UBE2E2: variants seen among roughly 807,000 people sequenced by gnomAD.
The protein encoded by UBE2E2 is ubiquitin-conjugating enzyme E2 E2.
UBE2E2 carries 6 observed loss-of-function variants against 24.7 expected under a neutral mutation model. The ratio of observed to expected loss-of-function variants is 0.24; its 90% CI spans 0.13 to 0.48. The LOEUF is 0.48. UBE2E2 is among the 20% of genes least tolerant of loss of function. The pLI, the probability that UBE2E2 is intolerant of heterozygous loss-of-function variation, is 0.99. For missense variants in UBE2E2, 169 were observed against 245.0 expected (o/e 0.69, Z 2.07); for synonymous variants, 104 against 83.6 (o/e 1.24, Z -1.33).
chr3:23,243,744 AT>A (rs1426096779), intron 3 of UBE2E2, among the ~76,000 whole-genome samples: 1 of 107,548 alleles, frequency 9.3e-6, no homozygotes, highest in African/African-American at 3.2e-5. Context: ...TACAAATAGT[AT>A]TTCTTTTTTT....
intron 3 of UBE2E2, among the ~76,000 whole-genome samples, chr3:23,495,096 T>A (rs1699574891): frequency 6.6e-6 from 1 of 152,198 alleles, no homozygotes; most frequent in Non-Finnish European, 1.5e-5. Context: ...GTTTTCAAGA[T>A]AATTTGTTGC....
chr3:23,473,194 T>G (rs956181201), intron 3 of UBE2E2, among the ~76,000 whole-genome samples: 1 of 152,036 alleles, frequency 6.6e-6, no homozygotes, highest in Admixed American at 6.5e-5. Context: ...GAAAATGACT[T>G]GAGCCAGAAA....
intron 3 of UBE2E2, among the ~76,000 whole-genome samples, chr3:23,485,108 T>G (rs1405179311): frequency 6.7e-6 from 1 of 149,312 alleles, no homozygotes; most frequent in Non-Finnish European, 1.5e-5. Flanking sequence ...TTTTTTTTTT[T>G]TTTTGAGATG....
At chr3:23,324,003 T>A (rs889309061) in intron 3 of UBE2E2, among the ~76,000 whole-genome samples, 2 of 152,180 alleles carry the variant, frequency 1.3e-5, no homozygotes, top group Non-Finnish European at 2.9e-5. Flanking sequence ...AATGAACAAA[T>A]GGTACATGCT....
intron 3 of UBE2E2, among the ~76,000 whole-genome samples, chr3:23,368,088 T>C (rs1696308184): frequency 6.6e-6 from 1 of 152,200 alleles, no homozygotes; most frequent in South Asian, 2.1e-4. Context: ...GTGATGGCAT[T>C]TGATTTCCTA....
chr3:23,356,010 C>G (rs1040495751), intron 3 of UBE2E2, among the ~76,000 whole-genome samples: 1 of 152,158 alleles, frequency 6.6e-6, no homozygotes, highest in Non-Finnish European at 1.5e-5. Context: ...TTCATTAAAG[C>G]TAGAAATACA....
chr3:23,520,887 T>G (rs755455559), intron 4 of UBE2E2, among the ~76,000 whole-genome samples: 4 of 152,112 alleles, frequency 2.6e-5, no homozygotes, highest in Non-Finnish European at 5.9e-5. Context: ...AAGTGATCCC[T>G]GCTCCTCAGC....
At chr3:23,439,458 T>G (rs1450209802) in intron 3 of UBE2E2, among the ~76,000 whole-genome samples, 1 of 152,156 alleles carries the variant, frequency 6.6e-6, no homozygotes, top group African/African-American at 2.4e-5. Flanking sequence ...TATGGATAAG[T>G]GTTTGGATTA....
chr3:23,563,264 G>A (rs1257761683), intron 5 of UBE2E2, among the ~76,000 whole-genome samples: 1 of 152,166 alleles, frequency 6.6e-6, no homozygotes, highest in Non-Finnish European at 1.5e-5. Context: ...ATTCTAGTAT[G>A]TTGTGACTTT....
chr3:23,462,201 G>A (rs543100977), intron 3 of UBE2E2, among the ~76,000 whole-genome samples: 1 of 150,784 alleles, frequency 6.6e-6, no homozygotes, highest in African/African-American at 2.5e-5. Flanking sequence ...TTTATCTGCT[G>A]TTCTTAATAT....
chr3:23,516,976 T>G (rs1694757063), intron 4 of UBE2E2, among the ~76,000 whole-genome samples: 1 of 152,140 alleles, frequency 6.6e-6, no homozygotes, highest in African/African-American at 2.4e-5. Flanking sequence ...TTTCTGTCCT[T>G]TAATACCACT....
At chr3:23,377,819 G>T (rs1407866703) in intron 3 of UBE2E2, among the ~76,000 whole-genome samples, 2 of 152,164 alleles carry the variant, frequency 1.3e-5, no homozygotes, top group African/African-American at 4.8e-5. Flanking sequence ...TAAGAGCTTA[G>T]TAAATATTAT....
intron 3 of UBE2E2, among the ~76,000 whole-genome samples, chr3:23,371,296 G>C (rs1319435730): frequency 6.6e-6 from 1 of 152,124 alleles, no homozygotes; most frequent in East Asian, 1.9e-4. Flanking sequence ...CTCCCAAAAT[G>C]CTGAGATTAC....
At chr3:23,523,135 G>T (rs980620686) in intron 4 of UBE2E2, among the ~76,000 whole-genome samples, 1 of 152,114 alleles carries the variant, frequency 6.6e-6, no homozygotes, top group Non-Finnish European at 1.5e-5. Flanking sequence ...ATTCATTATA[G>T]GTATGTTCCA....
intron 3 of UBE2E2, among the ~76,000 whole-genome samples, chr3:23,325,121 G>A (rs1485097187): frequency 6.6e-6 from 1 of 152,092 alleles, no homozygotes; most frequent in Non-Finnish European, 1.5e-5. Flanking sequence ...TAGCAGTTTT[G>A]AATCTTCTAG....
intron 3 of UBE2E2, among the ~76,000 whole-genome samples, chr3:23,287,940 T>G (rs937206607): frequency 1.3e-5 from 2 of 152,038 alleles, no homozygotes; most frequent in East Asian, 1.9e-4. Context: ...TCTGCTCTGA[T>G]CTTTATAATT....
intron 3 of UBE2E2, among the ~76,000 whole-genome samples, chr3:23,459,032 T>C (rs1182835269): frequency 1.3e-5 from 2 of 152,242 alleles, no homozygotes; most frequent in Non-Finnish European, 2.9e-5. Context: ...TCTCATTTTT[T>C]ACAAATGGGT....
At chr3:23,244,197 A>G (rs1020805749) in intron 3 of UBE2E2, among the ~76,000 whole-genome samples, 3 of 152,162 alleles carry the variant, frequency 2.0e-5, no homozygotes, top group African/African-American at 7.2e-5. Context: ...TTTAAAAAGA[A>G]ACATACTTAG....
intron 5 of UBE2E2, among the ~76,000 whole-genome samples, chr3:23,539,291 A>C (rs934271278): frequency 2.0e-5 from 3 of 152,164 alleles, no homozygotes; most frequent in African/African-American, 7.2e-5. Context: ...TTTTTGATAG[A>C]TTCTTACTAG....
Sources: gnomAD v4.1 joint callset for allele counts (sites outside exome capture counted in the v4.1 genomes callset) on GRCh38, gnomAD v4.1.1 for gene constraint, MANE v1.5 for transcripts, NCBI Gene and HGNC (gene_info 2026-07-23, HGNC 2026-07-21) for gene names.